Variants in WDR41 observed in about 807,000 individuals in gnomAD.
WDR41 encodes WD repeat domain 41, also known as WD repeat-containing protein 41.
In WDR41, 63 loss-of-function variants were observed where a neutral mutation model predicts 69.3. That is an observed-to-expected ratio of 0.91 (90% CI 0.74 to 1.12). WDR41 has a LOEUF of 1.12. Among genes scored for constraint, WDR41 ranks in the 50% most tolerant of loss-of-function variants. The pLI is 0.00. For synonymous variants in WDR41, 185 were observed against 192.1 expected, an observed-to-expected ratio of 0.96 and a Z score of 0.31; for missense variants, 543 against 534.5, an observed-to-expected ratio of 1.02 and a Z score of -0.16.
chr5:77,471,413 A>G (rs1162857496), intron 2 of WDR41, among the ~76,000 whole-genome samples: 1 of 152,226 alleles, frequency 6.6e-6, no homozygotes, highest in Non-Finnish European at 1.5e-5. Flanking sequence ...AGAAGGCAAG[A>G]AATAACTAAG....
chr5:77,517,631 C>CGTAT (rs1279821785), intron 1 of WDR41, among the ~76,000 whole-genome samples: 4 of 141,138 alleles, frequency 2.8e-5, no homozygotes, highest in African/African-American at 1.1e-4. Context: ...ATTTATTGAA[C>CGTAT]ATATATATAT....
At chr5:77,587,138 G>A (rs986953643) in intron 1 of WDR41, among the ~76,000 whole-genome samples, 15 of 150,324 alleles carry the variant, frequency 1.0e-4, no homozygotes, top group Middle Eastern at 3.4e-3. Context: ...TCCCCCAAAC[G>A]TAACCCTATT....
chr5:77,546,303 G>GAA, intron 1 of WDR41: 4 of 248,666 alleles, frequency 1.6e-5, no homozygotes, highest in Non-Finnish European at 3.0e-5. Context: ...AATGAAGCTT[G>GAA]AAAAAAAAAA....
Position 77,446,027 on chromosome 5 carries a change from A to T in WDR41, c.697+3733T>A, listed in dbSNP as rs147573948. The stretch of plus-strand genomic sequence containing the variant: ...CATGATTGTATATTTAGAAAACCCC[A>T]TCATCTCAGCCCAAAAAACTCCTTA... On this transcript the variant is annotated intron_variant, in intron 8 of 12. Coordinates refer to ENST00000296679, the MANE Select transcript of WDR41 (RefSeq NM_018268.4). Among the ~76,000 whole-genome samples the T allele has an allele frequency of 7.1e-3, 1,088 of 152,302 alleles. 7 individuals carry two copies. Among genetic ancestry groups the T allele is most frequent in the African/African-American group, 0.025 (1,031 of 41,560 alleles).
upstream of WDR41, among the ~76,000 whole-genome samples, chr5:77,493,930 C>A (rs1025549273): frequency 3.3e-5 from 5 of 152,084 alleles, no homozygotes; most frequent in East Asian, 5.8e-4. Context: ...AACACTTCCT[C>A]CCTTGGTTCC....
chr5:77,554,196 A>G (rs971080107), intron 1 of WDR41, among the ~76,000 whole-genome samples: 1 of 152,232 alleles, frequency 6.6e-6, no homozygotes, highest in Non-Finnish European at 1.5e-5. Context: ...ACACTACATT[A>G]TTCCATGCAT....
Position 77,440,980 on chromosome 5 carries a change from C to A in WDR41, c.715G>T (p.Gly239Cys). The change falls in exon 9 of 13, where the codon GGC (glycine) becomes TGC (cysteine). Residue 239 changes from glycine (G) to cysteine (C), a missense_variant. Gly to Cys is a radical substitution (Grantham distance 159). Transcript: ENST00000296679. ...INVNDLSFVT[G>C]SHVGELIIWD... is the part of the protein sequence containing the mutation. Reference sequence around the variant, plus strand: ...ATGATCAGCTCTCCGACGTGGGAGCCGGTGACAAAACTCAAATCTAGGCAA... The same window carrying A: ...ATGATCAGCTCTCCGACGTGGGAGCAGGTGACAAAACTCAAATCTAGGCAA... The A allele has an allele frequency of 1.2e-6, 2 of 1,613,124 alleles. No homozygotes were observed. Among genetic ancestry groups the A allele is most frequent in the Non-Finnish European group, 1.7e-6 (2 of 1,179,650 alleles).
chr5:77,597,926 C>G (rs748065057), intron 1 of WDR41, among the ~76,000 whole-genome samples: 2 of 152,132 alleles, frequency 1.3e-5, no homozygotes, highest in African/African-American at 4.8e-5. Context: ...ATGGGAAATA[C>G]GCCACATTTG....
At chr5:77,584,020 C>A (rs1561231167) in intron 1 of WDR41, among the ~76,000 whole-genome samples, 1 of 152,134 alleles carries the variant, frequency 6.6e-6, no homozygotes, top group Non-Finnish European at 1.5e-5. Flanking sequence ...GCAGAATAAT[C>A]ATTTGACAAA....
intron 1 of WDR41, among the ~76,000 whole-genome samples, chr5:77,541,733 TC>T (rs869177721): frequency 1.4e-5 from 2 of 144,988 alleles, no homozygotes; most frequent in African/African-American, 5.6e-5. Flanking sequence ...CCTCAGGTGA[TC>T]CCCCTGCCTT....
chr5:77,454,662 G>A (rs1239160888), intron 5 of WDR41, among the ~76,000 whole-genome samples: 1 of 152,152 alleles, frequency 6.6e-6, no homozygotes, highest in East Asian at 1.9e-4. Flanking sequence ...CTCGCCCACT[G>A]ACTCTGAGTC....
At chr5:77,438,424 T>C in intron 9 of WDR41, 63 bp from the exon 10 acceptor site, 4 of 1,591,248 alleles carry the variant, frequency 2.5e-6, no homozygotes, top group East Asian at 2.3e-5. Context: ...TGTAATGGAT[T>C]TCCAGCCCTC....
At chr5:77,520,708 C>T (rs1024728371) in intron 1 of WDR41, among the ~76,000 whole-genome samples, 1 of 152,080 alleles carries the variant, frequency 6.6e-6, no homozygotes, top group African/African-American at 2.4e-5. Flanking sequence ...GGTCACTTTG[C>T]CCTGTTCCCA....
intron 1 of WDR41, among the ~76,000 whole-genome samples, chr5:77,537,900 G>A (rs1026137946): frequency 4.6e-5 from 7 of 152,108 alleles, no homozygotes; most frequent in Admixed American, 1.3e-4. Flanking sequence ...TAGAATAGAC[G>A]AAAATATATA....
chr5:77,496,155 A>ATTT (rs1233919333), upstream of WDR41, among the ~76,000 whole-genome samples: 6 of 152,234 alleles, frequency 3.9e-5, no homozygotes, highest in African/African-American at 1.4e-4. Flanking sequence ...CCCATGGTTA[A>ATTT]CATCACATTC....
chr5:77,451,689 G>T (rs1799634354), intron 6 of WDR41: 1 of 197,990 alleles, frequency 5.1e-6, no homozygotes, highest in Non-Finnish European at 1.0e-5. Context: ...CCATTTACAA[G>T]ATGGCTAGCT....
At chr5:77,579,195 C>G (rs1743890521) in intron 1 of WDR41, among the ~76,000 whole-genome samples, 1 of 151,870 alleles carries the variant, frequency 6.6e-6, no homozygotes, top group African/African-American at 2.4e-5. Flanking sequence ...ATGGGAGTAG[C>G]AGAAGTAGAG....
At chr5:77,464,266 G>A (rs977492928) in intron 3 of WDR41, among the ~76,000 whole-genome samples, 2 of 134,544 alleles carry the variant, frequency 1.5e-5, no homozygotes, top group Non-Finnish European at 3.2e-5. Context: ...TTGTTTCTTA[G>A]GAAAAAACTT....
intron 1 of WDR41, among the ~76,000 whole-genome samples, chr5:77,572,739 A>C (rs1743754349): frequency 6.6e-6 from 1 of 152,230 alleles, no homozygotes; most frequent in African/African-American, 2.4e-5. Flanking sequence ...TTTGTCTCAA[A>C]GTGGTCAATT....
Sources: gnomAD v4.1 joint callset for allele counts (sites outside exome capture counted in the v4.1 genomes callset) on GRCh38, gnomAD v4.1.1 for gene constraint, MANE v1.5 for transcripts, NCBI Gene and HGNC (gene_info 2026-07-23, HGNC 2026-07-21) for gene names.